The following CNTNAP2 variants were observed in gnomAD, a reference collection of about 807,000 sequenced individuals.
CNTNAP2 encodes contactin-associated protein-like 2.
CNTNAP2 carries 98 observed loss-of-function variants against 155.2 expected under a neutral mutation model. The observed-to-expected ratio is 0.63, with a 90% CI of 0.54 to 0.75. The LOEUF is 0.75. Ranked by LOEUF, CNTNAP2 falls within the 30% of genes least tolerant of loss-of-function variation. The pLI, the probability that CNTNAP2 is intolerant of heterozygous loss-of-function variation, is 0.00. For missense variants in CNTNAP2, 1,727 were observed against 1,688.1 expected (o/e 1.02, Z -0.40); for synonymous variants, 651 against 631.2 (o/e 1.03, Z -0.47).
At chr7:146,770,603 T>C (rs1034350339) in intron 1 of CNTNAP2, among the ~76,000 whole-genome samples, 1 of 151,934 alleles carries the variant, frequency 6.6e-6, no homozygotes, top group Non-Finnish European at 1.5e-5. Flanking sequence ...CTCAATTTAA[T>C]TCTAATTATT....
At chr7:146,968,779 T>G (rs1222772411) in intron 3 of CNTNAP2, among the ~76,000 whole-genome samples, 1 of 151,530 alleles carries the variant, frequency 6.6e-6, no homozygotes, top group Non-Finnish European at 1.5e-5. Context: ...ATTCATTAAT[T>G]TTTTGAAGGG....
chr7:147,197,369 GATAA>G (rs973985888), intron 8 of CNTNAP2, among the ~76,000 whole-genome samples: 18 of 128,474 alleles, frequency 1.4e-4, no homozygotes, highest in African/African-American at 3.7e-4. Context: ...TTTCGTTTTC[GATAA>G]ATAATCTGCT....
At chr7:147,925,190 G>T (rs921108041) in intron 14 of CNTNAP2, among the ~76,000 whole-genome samples, 8 of 149,498 alleles carry the variant, frequency 5.4e-5, no homozygotes, top group African/African-American at 1.7e-4. Context: ...AAGGAAGGAA[G>T]GAAGGAAGGA....
In CNTNAP2 at chr7:146,133,455, T is replaced by G. The variant is rs527394128; in HGVS notation, c.97+16482T>G. Among the ~76,000 whole-genome samples, 10 of 152,310 alleles carry G rather than the reference T, an allele frequency of 6.6e-5. No homozygotes were observed. The East Asian group carries it at 1.9e-3, about 29-fold the overall frequency. Reference sequence around the variant, plus strand: ...TGTCAATTTTGGCTTTTGTTGCCCTTGCTTTTGGTGTTTTAGACATGAAGT... The same window carrying G: ...TGTCAATTTTGGCTTTTGTTGCCCTGGCTTTTGGTGTTTTAGACATGAAGT... On this transcript the variant is annotated intron_variant, in intron 1 of 23. Coordinates refer to ENST00000361727, the MANE Select transcript of CNTNAP2 (RefSeq NM_014141.6).
At chr7:147,921,550 A>G (rs1425196213) in intron 14 of CNTNAP2, among the ~76,000 whole-genome samples, 1 of 152,106 alleles carries the variant, frequency 6.6e-6, no homozygotes, top group East Asian at 1.9e-4. Flanking sequence ...TTAAACACCT[A>G]ATTTTTGAGT....
intron 9 of CNTNAP2, among the ~76,000 whole-genome samples, chr7:147,368,200 T>C (rs574127399): frequency 6.6e-6 from 1 of 151,326 alleles, no homozygotes; most frequent in African/African-American, 2.4e-5. Flanking sequence ...ATCTTATTAG[T>C]CAGGATTAGT....
At chr7:146,668,547 T>G (rs1372456669) in intron 1 of CNTNAP2, among the ~76,000 whole-genome samples, 1 of 152,014 alleles carries the variant, frequency 6.6e-6, no homozygotes, top group Non-Finnish European at 1.5e-5. Context: ...CGGCTTCAAT[T>G]TTTTGAAATA....
At chr7:148,265,079 G>C (rs1796643575) in intron 20 of CNTNAP2, among the ~76,000 whole-genome samples, 1 of 152,182 alleles carries the variant, frequency 6.6e-6, no homozygotes, top group Non-Finnish European at 1.5e-5. Context: ...GTTAACAATG[G>C]CATTTTGCAT....
Position 148,373,925 on chromosome 7 carries a change from T to C in CNTNAP2, c.3476-9724T>C, listed in dbSNP as rs1029123996. On this transcript the variant is annotated intron_variant, in intron 21 of 23. Transcript: ENST00000361727. ...AAATTTTGTGATGATCCACTGGAGC[T>C]TCAAGTTCAGCCTCAAAGCATTAGG... Among the ~76,000 whole-genome samples, 58 of 152,352 alleles carry C rather than the reference T, an allele frequency of 3.8e-4. 1 individual carries two copies. Among genetic ancestry groups the C allele is most frequent in the African/African-American group, 1.3e-3 (53 of 41,580 alleles).
rs976584478 is a variant in CNTNAP2 at position 148,344,360 on chromosome 7, T to A, written c.3476-39289T>A. Among the ~76,000 whole-genome samples the A allele has an allele frequency of 7.9e-5, 12 of 152,320 alleles. No homozygotes were observed. The South Asian group carries it at 2.5e-3, about 32-fold the overall frequency. ...TGATGAATTCATGTGTGTCCGGGTC[T>A]CTGGGGTACACTGTGTGCTCCCCCA... On this transcript the variant is annotated intron_variant, in intron 21 of 23. Transcript: ENST00000361727.
At chr7:146,234,256 AAT>A in intron 1 of CNTNAP2, among the ~76,000 whole-genome samples, 1 of 152,274 alleles carries the variant, frequency 6.6e-6, no homozygotes, top group South Asian at 2.1e-4. Flanking sequence ...TGGCTGCATA[AAT>A]ATCTTCTTTT....
intron 20 of CNTNAP2, among the ~76,000 whole-genome samples, chr7:148,251,280 C>T (rs987764709): frequency 6.6e-6 from 1 of 152,208 alleles, no homozygotes; most frequent in African/African-American, 2.4e-5. Flanking sequence ...AAGCACTATA[C>T]TTATGATCAA....
chr7:146,852,575 C>A (rs185837047), intron 3 of CNTNAP2, among the ~76,000 whole-genome samples: 1 of 152,082 alleles, frequency 6.6e-6, no homozygotes. Context: ...ACACTATCAA[C>A]ATCATGTAAT....
chr7:146,540,205 C>A (rs974891539), intron 1 of CNTNAP2, among the ~76,000 whole-genome samples: 4 of 152,020 alleles, frequency 2.6e-5, no homozygotes, highest in Non-Finnish European at 5.9e-5. Context: ...CAGAAGCAAG[C>A]AGTTAAATTA....
intron 9 of CNTNAP2, among the ~76,000 whole-genome samples, chr7:147,361,397 T>C (rs1408529160): frequency 6.6e-6 from 1 of 152,222 alleles, no homozygotes; most frequent in Non-Finnish European, 1.5e-5. Flanking sequence ...AGATGTTCCA[T>C]TATTCGATCT....
chr7:146,684,415 G>C (rs1800558201), intron 1 of CNTNAP2, among the ~76,000 whole-genome samples: 1 of 151,706 alleles, frequency 6.6e-6, no homozygotes, highest in Admixed American at 6.6e-5. Flanking sequence ...AGCAAATGGA[G>C]GTAAAAAATC....
chr7:147,182,021 A>G (rs938926132), intron 8 of CNTNAP2, among the ~76,000 whole-genome samples: 1 of 150,080 alleles, frequency 6.7e-6, no homozygotes, highest in Non-Finnish European at 1.5e-5. Context: ...GCTACTCAGG[A>G]GGCTGAGGCA....
At chr7:146,210,504 A>G (rs1039610310) in intron 1 of CNTNAP2, among the ~76,000 whole-genome samples, 1 of 152,080 alleles carries the variant, frequency 6.6e-6, no homozygotes. Context: ...GGGTTTCACA[A>G]TATGGACCAG....
intron 9 of CNTNAP2, among the ~76,000 whole-genome samples, chr7:147,317,482 T>A (rs541813604): frequency 7.2e-5 from 11 of 152,332 alleles, no homozygotes; most frequent in African/African-American, 2.6e-4. Flanking sequence ...TTGGCCTTCC[T>A]TGAGCTAATA....
Sources: gnomAD v4.1 joint callset for allele counts (sites outside exome capture counted in the v4.1 genomes callset) on GRCh38, gnomAD v4.1.1 for gene constraint, MANE v1.5 for transcripts, NCBI Gene and HGNC (gene_info 2026-07-23, HGNC 2026-07-21) for gene names.